PPARGC1A: variants seen among roughly 807,000 people sequenced by gnomAD.
The protein encoded by PPARGC1A is peroxisome proliferator-activated receptor gamma coactivator 1-alpha.
PPARGC1A carries 25 observed loss-of-function variants against 88.7 expected under a neutral mutation model. The ratio of observed to expected loss-of-function variants is 0.28; its 90% CI spans 0.21 to 0.39. The LOEUF (loss-of-function observed/expected upper bound fraction) is 0.39, where lower values mean the gene tolerates loss of function less well. Among genes scored for constraint, PPARGC1A ranks in the 10% least tolerant of loss-of-function variants. The pLI is 1.00. For synonymous variants in PPARGC1A, 363 were observed against 355.6 expected (o/e 1.02, Z -0.24); for missense variants, 880 against 968.7 (o/e 0.91, Z 1.22).
At chr4:23,858,022 C>T (rs1730520454) in intron 2 of PPARGC1A, among the ~76,000 whole-genome samples, 1 of 151,780 alleles carries the variant, frequency 6.6e-6, no homozygotes. Flanking sequence ...ATAAAAACAA[C>T]TACTATGGCT....
At chr4:24,346,622 C>A in the PPARGC1A span, among the ~76,000 whole-genome samples, 3 of 152,202 alleles carry the variant, frequency 2.0e-5, no homozygotes, top group South Asian at 4.1e-4. Flanking sequence ...GTTGTAATAT[C>A]TCCTGTTTCA....
intron 2 of PPARGC1A, among the ~76,000 whole-genome samples, chr4:23,873,658 T>C (rs1714057987): frequency 6.6e-6 from 1 of 152,198 alleles, no homozygotes; most frequent in South Asian, 2.1e-4. Context: ...TTGAATAAAA[T>C]GTCCAGCTTT....
At chr4:24,232,343 G>A in the PPARGC1A span, among the ~76,000 whole-genome samples, 2 of 152,180 alleles carry the variant, frequency 1.3e-5, no homozygotes, top group Non-Finnish European at 2.9e-5. Context: ...GTGATGCAGA[G>A]CAAGGTTTGC....
At chr4:24,323,713 T>G in the PPARGC1A span, among the ~76,000 whole-genome samples, 4 of 152,228 alleles carry the variant, frequency 2.6e-5, no homozygotes, top group East Asian at 3.9e-4. Context: ...CGGACGTGCA[T>G]GAAGTTTGGT....
the PPARGC1A span, among the ~76,000 whole-genome samples, chr4:24,105,780 G>A: frequency 1.3e-5 from 2 of 152,284 alleles, no homozygotes; most frequent in Admixed American, 6.5e-5. Flanking sequence ...TAGATGATTT[G>A]AGGAGCAGCC....
At chr4:24,175,884 G>A in the PPARGC1A span, among the ~76,000 whole-genome samples, 3 of 151,822 alleles carry the variant, frequency 2.0e-5, no homozygotes, top group Non-Finnish European at 2.9e-5. Context: ...CCATTCCCAC[G>A]GGCAGCACAT....
the PPARGC1A span, among the ~76,000 whole-genome samples, chr4:24,125,874 G>C: frequency 2.6e-5 from 4 of 152,154 alleles, no homozygotes; most frequent in South Asian, 8.3e-4. Flanking sequence ...GTCTCGCAGG[G>C]CTCCTCGAAT....
At chr4:24,153,504 T>C in the PPARGC1A span, among the ~76,000 whole-genome samples, 1 of 152,144 alleles carries the variant, frequency 6.6e-6, no homozygotes, top group Non-Finnish European at 1.5e-5. Context: ...TCAGCAGACA[T>C]GTGTACACTG....
the PPARGC1A span, among the ~76,000 whole-genome samples, chr4:23,950,676 C>A: frequency 6.6e-6 from 1 of 152,124 alleles, no homozygotes; most frequent in Non-Finnish European, 1.5e-5. Context: ...TCCTGTGTGA[C>A]AATGGACATT....
the PPARGC1A span, among the ~76,000 whole-genome samples, chr4:24,087,284 C>T: frequency 6.6e-6 from 1 of 152,170 alleles, no homozygotes; most frequent in East Asian, 1.9e-4. Context: ...CCTTCCAGAT[C>T]AAATATCCAA....
chr4:24,443,216 A>C, the PPARGC1A span, among the ~76,000 whole-genome samples: 3 of 150,332 alleles, frequency 2.0e-5, no homozygotes, highest in Non-Finnish European at 4.4e-5. Flanking sequence ...CTCTTCCTTC[A>C]GTTTTAACGT....
At position 23,814,107 on chromosome 4, in the gene PPARGC1A, C is replaced by T. The variant is rs955117051; in HGVS notation, c.1376G>A (p.Arg459Gln). ...TRKQLQDQEI[R>Q]AELNKHFGHP... is the part of the protein sequence containing the mutation. ...ACCGAAGTGCTTGTTCAGCTCGGCT[C>T]GGATTTCCTGGTCTTGGAGCTGTTT... The change falls in exon 8 of 13, where the codon CGA becomes CAA. Residue 459 changes from arginine to glutamine, a missense_variant. Arg to Gln is a conservative substitution (Grantham distance 43). Coordinates refer to ENST00000264867, the MANE Select transcript of PPARGC1A (RefSeq NM_013261.5). 15 of 1,614,004 alleles carry T rather than the reference C, an allele frequency of 9.3e-6. No individual in the cohort carries two copies. The highest frequency in any genetic ancestry group is 1.1e-5 in the Non-Finnish European group (13 of 1,179,974).
At chr4:24,120,715 A>C in the PPARGC1A span, among the ~76,000 whole-genome samples, 4 of 152,044 alleles carry the variant, frequency 2.6e-5, no homozygotes, top group African/African-American at 9.7e-5. Flanking sequence ...GAAAGAGATT[A>C]TTACCCTCAT....
the PPARGC1A span, among the ~76,000 whole-genome samples, chr4:24,273,271 T>C: frequency 6.6e-6 from 1 of 152,210 alleles, no homozygotes; most frequent in Admixed American, 6.5e-5. Context: ...CGCATCACTA[T>C]GACAAATTGT....
upstream of PPARGC1A, among the ~76,000 whole-genome samples, chr4:23,902,009 T>C (rs1166385712): frequency 2.0e-5 from 3 of 152,158 alleles, no homozygotes; most frequent in Admixed American, 1.3e-4. Context: ...ACTTAAAATG[T>C]GTCCAAACAA....
chr4:24,448,430 G>A, the PPARGC1A span, among the ~76,000 whole-genome samples: 3 of 152,136 alleles, frequency 2.0e-5, no homozygotes, highest in South Asian at 6.2e-4. Flanking sequence ...TCTTGTTCTT[G>A]TTACAGCCCA....
the PPARGC1A span, among the ~76,000 whole-genome samples, chr4:24,064,347 G>T: frequency 6.6e-6 from 1 of 152,136 alleles, no homozygotes; most frequent in African/African-American, 2.4e-5. Context: ...ACTTGGTTGA[G>T]GTAAGGGGAC....
chr4:24,253,341 A>G, the PPARGC1A span, among the ~76,000 whole-genome samples: 1 of 152,208 alleles, frequency 6.6e-6, no homozygotes, highest in Non-Finnish European at 1.5e-5. Context: ...TATGAGCACT[A>G]GAGGCAAGGG....
the PPARGC1A span, among the ~76,000 whole-genome samples, chr4:24,197,057 C>T: frequency 1.3e-5 from 2 of 152,174 alleles, no homozygotes; most frequent in African/African-American, 4.8e-5. Context: ...TCAACCTGTA[C>T]TGATGGAAAT....
Sources: allele counts gnomAD v4.1 joint callset (sites outside exome capture counted in the v4.1 genomes callset), GRCh38; gene constraint gnomAD v4.1.1; transcripts MANE v1.5; gene names NCBI Gene and HGNC (gene_info 2026-07-23, HGNC 2026-07-21).